HPGDS: variants seen among roughly 807,000 people sequenced by gnomAD.
The protein encoded by HPGDS is GST class-sigma.
In HPGDS, 26 loss-of-function variants were observed where a neutral mutation model predicts 23.1. The ratio of observed to expected loss-of-function variants is 1.13; its 90% CI spans 0.83 to 1.56. The LOEUF is 1.56. Among genes scored for constraint, HPGDS ranks in the 40% most tolerant of loss-of-function variants. The probability of loss-of-function intolerance (pLI) is 0.00; values close to 1 mark genes in which losing one functional copy is unlikely to be tolerated. For synonymous variants in HPGDS, 95 were observed against 77.9 expected (o/e 1.22, Z -1.16); for missense variants, 268 against 236.4 (o/e 1.13, Z -0.88).
At chr4:94,322,336 G>A (rs894936468) in intron 2 of HPGDS, among the ~76,000 whole-genome samples, 2 of 152,150 alleles carry the variant, frequency 1.3e-5, no homozygotes, top group Non-Finnish European at 2.9e-5. Flanking sequence ...CAGAAGGAAT[G>A]GTACCAGCTC....
chr4:94,317,063 C>A (rs1333032619), intron 3 of HPGDS, among the ~76,000 whole-genome samples: 4 of 152,002 alleles, frequency 2.6e-5, no homozygotes, highest in Non-Finnish European at 5.9e-5. Flanking sequence ...TATTTCATTC[C>A]AAAATGAGGT....
intron 2 of HPGDS, 21 bp from the exon 3 acceptor site, chr4:94,317,986 T>C (rs1015128513): frequency 2.1e-6 from 3 of 1,397,748 alleles, no homozygotes; most frequent in Non-Finnish European, 3.0e-6. Flanking sequence ...AATGAGCAAA[T>C]AATTAACTTC....
Position 94,299,445 on chromosome 4 carries a change from C to T in HPGDS, c.*35G>A. ...GTCTTATCTGATGAGAGAGATGCCC[C>T]CGAGAAAAACAAACTTGAAGGCAAC... On this transcript the variant is annotated 3_prime_UTR_variant, in exon 6 of 6. Transcript: ENST00000295256. 1 of 1,568,746 alleles carries T rather than the reference C, an allele frequency of 6.4e-7. No homozygotes were observed. Among genetic ancestry groups the T allele is most frequent in the Non-Finnish European group, 8.7e-7 (1 of 1,153,958 alleles).
rs150456822 is a variant in HPGDS, at chr4:94,308,636, T to C, written c.334A>G (p.Lys112Glu). 142 of 1,548,122 alleles carry C rather than the reference T, an allele frequency of 9.2e-5. No individual in the cohort carries two copies. In the East Asian group the frequency reaches 2.9e-3, roughly 32 times the overall value. Residue 112 changes from lysine to glutamate, a missense_variant and splice_region_variant, in exon 4 of 6, where the codon AAA (lysine) becomes GAA (glutamate). Physicochemically the swap from Lys to Glu is moderately conservative, Grantham distance 56 (BLOSUM62 1). Transcript: ENST00000295256. ...GAATAGCAAATGGATCACATTACTT[T>C]CACATCTTGCTTTTTCTCTGCCCAA... The part of the protein sequence containing the change: ...FPWAEKKQDV[K>E]EQMFNELLTY...
chr4:94,336,179 C>A (rs1199491095), intron 1 of HPGDS, among the ~76,000 whole-genome samples: 2 of 145,650 alleles, frequency 1.4e-5, no homozygotes, highest in Non-Finnish European at 3.0e-5. Flanking sequence ...GCACTCCAGA[C>A]TGGGCAGCAG....
chr4:94,301,815 A>G (rs1302869639), intron 5 of HPGDS, among the ~76,000 whole-genome samples: 6 of 152,144 alleles, frequency 3.9e-5, no homozygotes, highest in Admixed American at 3.3e-4. Context: ...TGTTTTACAA[A>G]TGATACTTCT....
intron 2 of HPGDS, among the ~76,000 whole-genome samples, chr4:94,318,544 C>T (rs909556665): frequency 6.6e-6 from 1 of 151,920 alleles, no homozygotes; most frequent in African/African-American, 2.4e-5. Context: ...TTCCAAAGGT[C>T]TTTTTATATT....
intron 2 of HPGDS, among the ~76,000 whole-genome samples, chr4:94,325,867 G>C (rs536742385): frequency 9.2e-5 from 14 of 152,246 alleles, no homozygotes; most frequent in African/African-American, 3.4e-4. Context: ...TTCTGCATCA[G>C]TCACGCTGGG....
intron 2 of HPGDS, among the ~76,000 whole-genome samples, chr4:94,329,996 C>T (rs1756706970): frequency 1.3e-5 from 2 of 152,238 alleles, no homozygotes; most frequent in Admixed American, 1.3e-4. Context: ...AATGATGGTC[C>T]CATTTTGCTC....
intron 4 of HPGDS, among the ~76,000 whole-genome samples, chr4:94,306,724 GA>G (rs1477471005): frequency 1.3e-5 from 2 of 152,022 alleles, no homozygotes; most frequent in Non-Finnish European, 2.9e-5. Context: ...CACAATATCA[GA>G]AATTTAGAAC....
At chr4:94,336,818 A>C (rs1578146553) in intron 1 of HPGDS, among the ~76,000 whole-genome samples, 1 of 152,292 alleles carries the variant, frequency 6.6e-6, no homozygotes, top group African/African-American at 2.4e-5. Context: ...TAATTAAGAG[A>C]TTATTCTTAT....
intron 1 of HPGDS, among the ~76,000 whole-genome samples, chr4:94,338,349 T>A (rs897614100): frequency 2.0e-5 from 3 of 151,294 alleles, no homozygotes; most frequent in South Asian, 2.1e-4. Flanking sequence ...TGCTTGAACC[T>A]GGGAGGCAGA....
chr4:94,336,667 A>C (rs1721017651), intron 1 of HPGDS, among the ~76,000 whole-genome samples: 1 of 152,216 alleles, frequency 6.6e-6, no homozygotes, highest in Non-Finnish European at 1.5e-5. Context: ...CTATACATAT[A>C]AAGGAGTTCA....
chr4:94,325,439 C>T (rs957662025), intron 2 of HPGDS, among the ~76,000 whole-genome samples: 17 of 152,302 alleles, frequency 1.1e-4, no homozygotes, highest in Non-Finnish European at 2.4e-4. Context: ...AGGCTCCACC[C>T]AGTTCAAGCT....
At chr4:94,321,919 T>C (rs1756517535) in intron 2 of HPGDS, among the ~76,000 whole-genome samples, 1 of 152,120 alleles carries the variant, frequency 6.6e-6, no homozygotes, top group South Asian at 2.1e-4. Flanking sequence ...ATAGCTCTTA[T>C]TATTTTGAGA....
intron 4 of HPGDS, 123 bp downstream of exon 4, chr4:94,308,511 A>G (rs1756183126): frequency 3.9e-6 from 2 of 515,516 alleles, no homozygotes; most frequent in African/African-American, 3.9e-5. Flanking sequence ...CTTTTAAAAT[A>G]TAATTTGGTA....
chr4:94,308,150 T>C (rs555025531), intron 4 of HPGDS, among the ~76,000 whole-genome samples: 4 of 152,244 alleles, frequency 2.6e-5, no homozygotes, highest in African/African-American at 9.6e-5. Flanking sequence ...TAGCCAAAGG[T>C]AATTTTATAC....
chr4:94,303,542 C>T (rs1479460672), intron 4 of HPGDS, among the ~76,000 whole-genome samples: 2 of 152,098 alleles, frequency 1.3e-5, no homozygotes, highest in Non-Finnish European at 2.9e-5. Flanking sequence ...TATGTTCTTT[C>T]CCTTGTTCTA....
At position 94,338,578 on chromosome 4, in the gene HPGDS, TAGA is replaced by T. The variant is rs1245465693; in HGVS notation, c.-9-3943_-9-3941del. On this transcript the variant is annotated intron_variant, in intron 1 of 5. Transcript: ENST00000295256. ...AAAATACCTCTTATCAAACTAGCAA[TAGA>T]AGAATACTTCCTTAACCATATAAAG... Among the ~76,000 whole-genome samples, 5 of 152,204 alleles carry T rather than the reference TAGA, an allele frequency of 3.3e-5. No individual in the cohort carries two copies. The East Asian group carries it at 5.8e-4, about 18-fold the overall frequency.
Sources: allele counts gnomAD v4.1 joint callset (sites outside exome capture counted in the v4.1 genomes callset), GRCh38; gene constraint gnomAD v4.1.1; transcripts MANE v1.5; gene names NCBI Gene and HGNC (gene_info 2026-07-23, HGNC 2026-07-21).